The following GRIA4 variants were observed in gnomAD, a reference collection of about 807,000 sequenced individuals.
GRIA4 encodes glutamate ionotropic receptor AMPA type subunit 4.
In GRIA4, 34 loss-of-function variants were observed where a neutral mutation model predicts 104.0. That is an observed-to-expected ratio of 0.33 (90% confidence interval 0.25 to 0.44). The LOEUF is 0.44. Ranked by LOEUF, GRIA4 falls within the 20% of genes least tolerant of loss-of-function variation. The pLI, the probability that GRIA4 is intolerant of heterozygous loss-of-function variation, is 1.00. For missense variants in GRIA4, 750 were observed against 1,096.5 expected (o/e 0.68, Z 4.46); for synonymous variants, 386 against 381.9 (o/e 1.01, Z -0.13).
chr11:105,877,577 T>A (rs572631448), intron 5 of GRIA4, among the ~76,000 whole-genome samples: 1 of 152,340 alleles, frequency 6.6e-6, no homozygotes, highest in African/African-American at 2.4e-5. Context: ...TTTCACATAG[T>A]CCCATATTTC....
At chr11:105,758,362 G>A (rs1010779045) in intron 4 of GRIA4, among the ~76,000 whole-genome samples, 1 of 152,110 alleles carries the variant, frequency 6.6e-6, no homozygotes, top group Non-Finnish European at 1.5e-5. Flanking sequence ...AAAATCTTTA[G>A]ACTGATGAAA....
chr11:105,657,153 C>A (rs897555003), intron 3 of GRIA4, among the ~76,000 whole-genome samples: 2 of 151,986 alleles, frequency 1.3e-5, no homozygotes, highest in Non-Finnish European at 2.9e-5. Context: ...TGGTAACCTT[C>A]AGTTCCAATA....
chr11:105,742,157 G>T (rs1400299052), intron 3 of GRIA4, among the ~76,000 whole-genome samples: 1 of 152,080 alleles, frequency 6.6e-6, no homozygotes, highest in Non-Finnish European at 1.5e-5. Flanking sequence ...CAGTTTATAA[G>T]CTACTTCATG....
At chr11:105,725,451 A>G (rs1181958348) in intron 3 of GRIA4, among the ~76,000 whole-genome samples, 1 of 152,134 alleles carries the variant, frequency 6.6e-6, no homozygotes, top group Non-Finnish European at 1.5e-5. Flanking sequence ...CCTGGAATTC[A>G]CTGGAGCTAA....
intron 10 of GRIA4, chr11:105,912,071 TGAG>T: frequency 8.9e-7 from 1 of 1,128,080 alleles, no homozygotes; most frequent in Non-Finnish European, 1.1e-6. Flanking sequence ...GTGACTTTTC[TGAG>T]ATACTAGAAC....
At chr11:105,791,712 G>T (rs1196354623) in intron 4 of GRIA4, among the ~76,000 whole-genome samples, 1 of 152,106 alleles carries the variant, frequency 6.6e-6, no homozygotes, top group African/African-American at 2.4e-5. Context: ...AACTTATAGA[G>T]AATTTCTCAT....
chr11:105,637,833 T>G lies in GRIA4; in HGVS notation c.247+25399T>G, dbSNP rs183688524. Among the ~76,000 whole-genome samples the G allele has an allele frequency of 1.4e-4, 21 of 152,244 alleles. No homozygotes were observed. The South Asian group carries it at 2.5e-3, about 18-fold the overall frequency. On this transcript the variant is annotated intron_variant, in intron 3 of 16. Transcript: ENST00000282499. Reference sequence around the variant, plus strand: ...GAAAATGCAATTTGAACATAAAGATTCTTAAAAGCTAAGCCCAGGTGCAAA... The same window carrying G: ...GAAAATGCAATTTGAACATAAAGATGCTTAAAAGCTAAGCCCAGGTGCAAA...
chr11:105,873,743 C>T (rs928450744), intron 5 of GRIA4, among the ~76,000 whole-genome samples: 1 of 152,092 alleles, frequency 6.6e-6, no homozygotes, highest in Non-Finnish European at 1.5e-5. Context: ...TGTTCATATA[C>T]TTTGCTCACT....
intron 4 of GRIA4, among the ~76,000 whole-genome samples, chr11:105,839,861 A>G (rs527574975): frequency 3.9e-4 from 60 of 152,240 alleles, no homozygotes; most frequent in African/African-American, 1.4e-3. Flanking sequence ...TTATAAAGAA[A>G]TGTTTCCAAA....
At chr11:105,805,254 A>G (rs571398795) in intron 4 of GRIA4, among the ~76,000 whole-genome samples, 3 of 151,942 alleles carry the variant, frequency 2.0e-5, no homozygotes, top group Admixed American at 1.3e-4. Context: ...ACTCAGTATT[A>G]GCTAATTAAT....
At chr11:105,708,295 G>A (rs146917132) in intron 3 of GRIA4, among the ~76,000 whole-genome samples, 15 of 152,158 alleles carry the variant, frequency 9.9e-5, no homozygotes, top group African/African-American at 3.4e-4. Flanking sequence ...AAACAAATGA[G>A]ATTTGTTATC....
intron 16 of GRIA4, among the ~76,000 whole-genome samples, chr11:105,976,352 A>T (rs1858980462): frequency 6.6e-6 from 1 of 152,070 alleles, no homozygotes; most frequent in African/African-American, 2.4e-5. Context: ...GGAAGTTATT[A>T]AAAGGAGATG....
At chr11:105,690,568 T>C (rs185363965) in intron 3 of GRIA4, among the ~76,000 whole-genome samples, 1 of 152,318 alleles carries the variant, frequency 6.6e-6, no homozygotes, top group East Asian at 1.9e-4. Context: ...AAGATATTCC[T>C]GAAGCAAACA....
chr11:105,680,666 T>A (rs1032378319), intron 3 of GRIA4, among the ~76,000 whole-genome samples: 1 of 152,118 alleles, frequency 6.6e-6, no homozygotes, highest in African/African-American at 2.4e-5. Flanking sequence ...AAAATATATC[T>A]TCAAAATGGA....
chr11:105,880,946 A>G (rs931059654), intron 5 of GRIA4, among the ~76,000 whole-genome samples: 1 of 152,192 alleles, frequency 6.6e-6, no homozygotes, highest in African/African-American at 2.4e-5. Context: ...ACAATGGTTT[A>G]CTTGGAGACT....
intron 11 of GRIA4, 124 bp downstream of exon 11, chr11:105,919,042 T>C (rs1947485279): frequency 3.2e-6 from 2 of 631,246 alleles, no homozygotes; most frequent in Non-Finnish European, 5.7e-6. Flanking sequence ...AAGAGGCACA[T>C]ACAGTGTTTA....
At chr11:105,713,503 A>G (rs1953987669) in intron 3 of GRIA4, among the ~76,000 whole-genome samples, 1 of 152,142 alleles carries the variant, frequency 6.6e-6, no homozygotes, top group Non-Finnish European at 1.5e-5. Context: ...TCTTTTCCAG[A>G]TTTTTCTTTA....
chr11:105,767,540 CA>C (rs1444544850), intron 4 of GRIA4, among the ~76,000 whole-genome samples: 13 of 151,790 alleles, frequency 8.6e-5, no homozygotes, highest in Non-Finnish European at 4.4e-5. Flanking sequence ...CACAAAAATG[CA>C]AACTGAAATA....
At chr11:105,828,086 A>G (rs17104609) in intron 4 of GRIA4, among the ~76,000 whole-genome samples, 3,051 of 152,118 alleles carry the variant, frequency 0.02, 55 homozygotes, top group East Asian at 0.054. Flanking sequence ...GGTCCACAAG[A>G]TCTTATTCCA....
Sources: allele counts gnomAD v4.1 joint callset (sites outside exome capture counted in the v4.1 genomes callset), GRCh38; gene constraint gnomAD v4.1.1; transcripts MANE v1.5; gene names NCBI Gene and HGNC (gene_info 2026-07-23, HGNC 2026-07-21).